The following FLRT2 variants were observed in gnomAD, a reference collection of about 807,000 sequenced individuals.
The protein encoded by FLRT2 is leucine-rich repeat transmembrane protein FLRT2.
In FLRT2, 15 loss-of-function variants were observed where a neutral mutation model predicts 40.0. The ratio of observed to expected loss-of-function variants is 0.38; its 90% CI spans 0.25 to 0.58. The LOEUF (loss-of-function observed/expected upper bound fraction) is 0.58. Ranked by LOEUF, FLRT2 falls within the 20% of genes least tolerant of loss-of-function variation. The pLI, the probability that FLRT2 is intolerant of heterozygous loss-of-function variation, is 0.71. For synonymous variants in FLRT2, 380 were observed against 336.8 expected (o/e 1.13, Z -1.41); for missense variants, 726 against 840.0 (o/e 0.86, Z 1.68).
At chr14:85,560,214 T>G (rs1595022387) in intron 1 of FLRT2, among the ~76,000 whole-genome samples, 1 of 152,114 alleles carries the variant, frequency 6.6e-6, no homozygotes, top group Non-Finnish European at 1.5e-5. Flanking sequence ...GGTGAGAAGA[T>G]GTGAACATAC....
At chr14:85,570,450 A>G (rs1372762965) in intron 1 of FLRT2, among the ~76,000 whole-genome samples, 1 of 152,136 alleles carries the variant, frequency 6.6e-6, no homozygotes, top group Admixed American at 6.5e-5. Context: ...AAAACATTGC[A>G]TAGGTGTGCT....
Position 85,623,374 on chromosome 14 carries a change from A to C in FLRT2, c.1860A>C (p.Gly620=), listed in dbSNP as rs772742986. The C allele has an allele frequency of 3.9e-6, 6 of 1,520,776 alleles. No homozygotes were observed. Among genetic ancestry groups the C allele is most frequent in the Non-Finnish European group, 4.4e-6 (5 of 1,136,938 alleles). 94.2% of individuals were successfully genotyped at this position (1,520,776 alleles called of 1,614,324 possible). ...TAAATAACGATCAACTCCTTAAAGG[A>C]GATTTCAGACTGCAGCCCATTTACA... ...VSLNNDQLLK[G]DFRLQPIYTP... The change falls in exon 2 of 2, where the codon GGA becomes GGC. Residue 620 remains glycine, a synonymous_variant. Transcript: ENST00000330753.
chr14:85,646,057 T>TG lies in FLRT2; in HGVS notation c.*22563dup, dbSNP rs769697093. The TG allele has an allele frequency of 1.9e-4, 29 of 150,738 alleles. No homozygotes were observed. The highest frequency in any genetic ancestry group is 3.5e-4 in the Non-Finnish European group (24 of 67,900). The allele number at this position is 150,738 out of a possible 1,614,324, so 9.3% of individuals were successfully genotyped here. On this transcript the variant is annotated 3_prime_UTR_variant, in exon 2 of 2. Transcript: ENST00000330753. ...CCTTTGCATCTGTTTACTTACTTAA[T>TG]GGGACATTATTATGGTGACCCATAC...
chr14:85,567,043 G>A (rs963545540), intron 1 of FLRT2, among the ~76,000 whole-genome samples: 5 of 152,226 alleles, frequency 3.3e-5, no homozygotes, highest in Non-Finnish European at 7.4e-5. Context: ...GGACACATCG[G>A]TTAGAACATA....
rs1251468574 is a variant in FLRT2 at position 85,636,409 on chromosome 14, C to CAAAAAA, written c.*12913_*12918dup. The CAAAAAA allele has an allele frequency of 1.2e-5, 1 of 84,934 alleles. No homozygotes were observed. Among genetic ancestry groups the CAAAAAA allele is most frequent in the Non-Finnish European group, 2.5e-5 (1 of 39,814 alleles). 5.3% of individuals were successfully genotyped at this position (84,934 alleles called of 1,614,324 possible). A position where few individuals can be genotyped will look rare whatever the true frequency, so the allele number is the denominator to read the frequency against. On this transcript the variant is annotated 3_prime_UTR_variant, in exon 2 of 2. Transcript: ENST00000330753. ...CCTGCAGAAAAAAAAAAAAAAAAAA[C>CAAAAAA]AAAAAACATTCTTATTAATCTTAAC...
rs866593671 is a variant in FLRT2 at position 85,601,272 on chromosome 14, G to A, written c.-376-19867G>A. The stretch of plus-strand genomic sequence containing the variant: ...ACTATGAGTCCAAGCCATCAGGGCC[G>A]GGTTGAACTCACCATGGACTAGTGG... On this transcript the variant is annotated intron_variant, in intron 1 of 1. Transcript: ENST00000330753. Among the ~76,000 whole-genome samples, 10 of 152,182 alleles carry A rather than the reference G, an allele frequency of 6.6e-5. No individual in the cohort carries two copies. The South Asian group carries it at 1.2e-3, about 19-fold the overall frequency.
At position 85,647,209 on chromosome 14, in the gene FLRT2, C is replaced by T. The variant is rs1894326976; in HGVS notation, c.*23712C>T. The T allele has an allele frequency of 6.6e-6, 1 of 152,026 alleles. No individual in the cohort carries two copies. The highest frequency in any genetic ancestry group is 1.5e-5 in the Non-Finnish European group (1 of 68,010). The allele number at this position is 152,026 out of a possible 1,614,324, so 9.4% of individuals were successfully genotyped here. A position where few individuals can be genotyped will look rare whatever the true frequency, so the allele number is the denominator to read the frequency against. Reference sequence around the variant, plus strand: ...TTATGAATGTTAGGCATATTTTGGTCTTTCCTTTCTATCTATGTTTAGTAT... The same window carrying T: ...TTATGAATGTTAGGCATATTTTGGTTTTTCCTTTCTATCTATGTTTAGTAT... On this transcript the variant is annotated 3_prime_UTR_variant, in exon 2 of 2. Transcript: ENST00000330753.
At chr14:85,570,212 T>G (rs1890824011) in intron 1 of FLRT2, among the ~76,000 whole-genome samples, 2 of 152,200 alleles carry the variant, frequency 1.3e-5, no homozygotes, top group Non-Finnish European at 2.9e-5. Context: ...ATATTAAAGA[T>G]AGAAGACCTT....
chr14:85,596,674 T>G (rs1892153618), intron 1 of FLRT2, among the ~76,000 whole-genome samples: 1 of 152,244 alleles, frequency 6.6e-6, no homozygotes, highest in Non-Finnish European at 1.5e-5. Flanking sequence ...TTTCATTATT[T>G]AAACTCTCTT....
intron 1 of FLRT2, among the ~76,000 whole-genome samples, chr14:85,598,663 A>C (rs184572498): frequency 8.5e-5 from 13 of 152,296 alleles, no homozygotes; most frequent in Admixed American, 7.8e-4. Context: ...TTCGAGCTGA[A>C]GGAAACCTTA....
At chr14:85,592,073 T>C in intron 1 of FLRT2, among the ~76,000 whole-genome samples, 1 of 152,218 alleles carries the variant, frequency 6.6e-6, no homozygotes, top group East Asian at 1.9e-4. Context: ...AAATACTTTT[T>C]TCCATAGTTG....
chr14:85,562,839 A>C (rs575303911), intron 1 of FLRT2: 19 of 152,150 alleles, frequency 1.2e-4, no homozygotes, highest in Non-Finnish European at 2.4e-4. Context: ...GAAATAGTCC[A>C]GTGAAACTAA....
intron 1 of FLRT2, among the ~76,000 whole-genome samples, chr14:85,555,904 A>G (rs946977099): frequency 6.6e-6 from 1 of 152,098 alleles, no homozygotes. Flanking sequence ...AGAAAATTGG[A>G]AGAAAGCCAA....
intron 1 of FLRT2, among the ~76,000 whole-genome samples, chr14:85,572,217 C>G (rs113531269): frequency 2.0e-5 from 3 of 152,266 alleles, no homozygotes; most frequent in Admixed American, 6.5e-5. Context: ...CTAAGTCCTA[C>G]TCCTCTTTCA....
chr14:85,550,152 G>A (rs1173299975), intron 1 of FLRT2, among the ~76,000 whole-genome samples: 2 of 152,206 alleles, frequency 1.3e-5, no homozygotes, highest in African/African-American at 2.4e-5. Context: ...ACTGCATGTA[G>A]AGGAGGCTGG....
Position 85,647,627 on chromosome 14 carries a change from A to G in FLRT2, c.*24130A>G, listed in dbSNP as rs914070415. 1.3e-5 allele frequency: 2 copies of G among 151,424 alleles called. No homozygotes were observed. Among genetic ancestry groups the G allele is most frequent in the East Asian group, 2.0e-4 (1 of 5,094 alleles). 9.4% of individuals were successfully genotyped at this position (151,424 alleles called of 1,614,324 possible). A position where few individuals can be genotyped will look rare whatever the true frequency, so the allele number is the denominator to read the frequency against. Reference sequence around the variant, plus strand: ...CAAAGAAGTTACGTGTATTAACTGGAACAATTGGTCCTGATTATTAAGGAG... The same window carrying G: ...CAAAGAAGTTACGTGTATTAACTGGGACAATTGGTCCTGATTATTAAGGAG... On this transcript the variant is annotated 3_prime_UTR_variant, in exon 2 of 2. Coordinates refer to ENST00000330753, the MANE Select transcript of FLRT2 (RefSeq NM_013231.6).
rs1257533079 is a variant in FLRT2 at position 85,624,077 on chromosome 14, C to T, written c.*580C>T. ...AAAGCACCAGGAGGAAGCCGGTTCC[C>T]GTGAGATAAGTTAACCCGGCCTGAC... On this transcript the variant is annotated 3_prime_UTR_variant, in exon 2 of 2. Coordinates refer to ENST00000330753, the MANE Select transcript of FLRT2 (RefSeq NM_013231.6). The T allele has an allele frequency of 6.0e-6, 1 of 167,034 alleles. No individual in the cohort carries two copies. The highest frequency in any genetic ancestry group is 2.1e-4 in the South Asian group (1 of 4,832). 10.3% of individuals were successfully genotyped at this position (167,034 alleles called of 1,614,324 possible). A position where few individuals can be genotyped will look rare whatever the true frequency, so the allele number is the denominator to read the frequency against.
At chr14:85,606,348 C>T (rs926514671) in intron 1 of FLRT2, among the ~76,000 whole-genome samples, 1 of 152,116 alleles carries the variant, frequency 6.6e-6, no homozygotes, top group East Asian at 1.9e-4. Flanking sequence ...TACATATATC[C>T]CACCTACCTG....
chr14:85,618,266 C>G (rs1893221587), intron 1 of FLRT2, among the ~76,000 whole-genome samples: 1 of 152,154 alleles, frequency 6.6e-6, no homozygotes, highest in South Asian at 2.1e-4. Context: ...AGTATCTATT[C>G]TTTTTACATA....
Sources: gnomAD v4.1 joint callset for allele counts (sites outside exome capture counted in the v4.1 genomes callset) on GRCh38, gnomAD v4.1.1 for gene constraint, MANE v1.5 for transcripts, NCBI Gene and HGNC (gene_info 2026-07-23, HGNC 2026-07-21) for gene names.